The following IQGAP2 variants were observed in gnomAD, a reference collection of about 807,000 sequenced individuals.
The protein encoded by IQGAP2 is IQ motif containing GTPase activating protein 2, also known as ras GTPase-activating-like protein IQGAP2.
A neutral mutation model predicts 201.3 loss-of-function variants in IQGAP2; 173 were observed. The observed-to-expected ratio is 0.86, with a 90% CI of 0.76 to 0.98. The LOEUF is 0.98. Among genes scored for constraint, IQGAP2 ranks in the 50% least tolerant of loss-of-function variants. The pLI, the probability that IQGAP2 is intolerant of heterozygous loss-of-function variation, is 0.00. For missense variants in IQGAP2, 1,687 were observed against 1,864.8 expected (o/e 0.90, Z 1.76); for synonymous variants, 675 against 673.9 (o/e 1.00, Z -0.03).
At chr5:76,416,414 G>A (rs1235252840) in intron 1 of IQGAP2, among the ~76,000 whole-genome samples, 3 of 152,198 alleles carry the variant, frequency 2.0e-5, no homozygotes, top group Non-Finnish European at 2.9e-5. Flanking sequence ...TGGAAGTACC[G>A]TGACCTTAGA....
chr5:76,675,783 G>T (rs568858978), intron 27 of IQGAP2, among the ~76,000 whole-genome samples: 1 of 152,134 alleles, frequency 6.6e-6, no homozygotes, highest in African/African-American at 2.4e-5. Context: ...TAGAATTTGT[G>T]GTCTTTTGTG....
At chr5:76,500,934 C>CA (rs1757239098) in intron 2 of IQGAP2, among the ~76,000 whole-genome samples, 1 of 152,114 alleles carries the variant, frequency 6.6e-6, no homozygotes, top group African/African-American at 2.4e-5. Context: ...GCCTTGATGA[C>CA]AGAGTATGCC....
chr5:76,652,332 G>A (rs1026291296), intron 17 of IQGAP2, among the ~76,000 whole-genome samples: 20 of 152,192 alleles, frequency 1.3e-4, no homozygotes, highest in African/African-American at 4.8e-4. Flanking sequence ...AGTGGGCCAC[G>A]TGTTGTGGTA....
At chr5:76,640,439 G>T (rs462322) in intron 16 of IQGAP2, among the ~76,000 whole-genome samples, 94,414 of 151,912 alleles carry the variant, frequency 0.62, 29,459 homozygotes, top group South Asian at 0.78. Flanking sequence ...CCACCCCTTT[G>T]TCTTTTGCCC....
At chr5:76,630,532 C>T (rs3756523) in intron 14 of IQGAP2, among the ~76,000 whole-genome samples, 7,629 of 152,130 alleles carry the variant, frequency 0.05, 271 homozygotes, top group South Asian at 0.14. Flanking sequence ...GACCTGTGAA[C>T]CAGCTCATCG....
rs1345376614 is a variant in IQGAP2, at chr5:76,441,393, GA to G, written c.47-20175del. The G allele has an allele frequency of 2.9e-4, 134 of 465,036 alleles. 1 individual carries two copies. In the Middle Eastern group the frequency reaches 5.4e-3, roughly 19 times the overall value. The allele number at this position is 465,036 out of a possible 1,614,324, so 28.8% of individuals were successfully genotyped here. A position where few individuals can be genotyped will look rare whatever the true frequency, so the allele number is the denominator to read the frequency against. ...TAAACTCTTTTTTACTTCCCGGAAG[GA>G]ATCAGGAATTAACTACCTAAAGTAC... is the stretch of plus-strand genomic sequence containing the variant. On this transcript the variant is annotated intron_variant, in intron 1 of 35. Transcript: ENST00000274364.
chr5:76,652,639 C>T, intron 17 of IQGAP2, 111 bp from the exon 18 acceptor site: 1 of 786,482 alleles, frequency 1.3e-6, no homozygotes, highest in Admixed American at 1.8e-5. Context: ...AGGGAGGGTG[C>T]CTGACAGTGT....
At chr5:76,624,322 G>C (rs1750022405) in intron 13 of IQGAP2, 1 of 152,124 alleles carries the variant, frequency 6.6e-6, no homozygotes, top group Non-Finnish European at 1.5e-5. Context: ...ACTTAAACTT[G>C]AAGCCTGACC....
rs574987355 is a variant in IQGAP2 at position 76,666,717 on chromosome 5, C to T, written c.2679+1542C>T. Among the ~76,000 whole-genome samples, 3 of 152,164 alleles carry T rather than the reference C, an allele frequency of 2.0e-5. No homozygotes were observed. In the South Asian group the frequency reaches 6.2e-4, roughly 32 times the overall value. Reference sequence around the variant, plus strand: ...TATAGAAAAGCAAATGGCCTGGATTCCTTCGACCCGTTGGTTACACTTTAG... The same window carrying T: ...TATAGAAAAGCAAATGGCCTGGATTTCTTCGACCCGTTGGTTACACTTTAG... On this transcript the variant is annotated intron_variant, in intron 22 of 35. Coordinates refer to ENST00000274364, the MANE Select transcript of IQGAP2 (RefSeq NM_006633.5).
chr5:76,691,320 T>G (rs1746247453), intron 30 of IQGAP2: 1 of 152,252 alleles, frequency 6.6e-6, no homozygotes, highest in South Asian at 2.1e-4. Flanking sequence ...CACGTTTTAT[T>G]GACTCCAGTC....
At chr5:76,464,349 A>G (rs10035095) in intron 2 of IQGAP2, among the ~76,000 whole-genome samples, 23,495 of 152,238 alleles carry the variant, frequency 0.15, 2,172 homozygotes, top group Middle Eastern at 0.27. Flanking sequence ...TGATTCTTTT[A>G]AAGTATTAGT....
chr5:76,644,282 ATTTTTGTAAATCCTTTTTTTTT>A (rs1249290896), intron 17 of IQGAP2, among the ~76,000 whole-genome samples: 5 of 75,958 alleles, frequency 6.6e-5, no homozygotes, highest in Admixed American at 1.3e-4. Context: ...TGAGACTGCC[ATTTTTGTAAATCCTTTTTTTTT>A]TTTTTTTTTT....
At chr5:76,598,704 C>A (rs1323881517) in intron 10 of IQGAP2, among the ~76,000 whole-genome samples, 2 of 151,916 alleles carry the variant, frequency 1.3e-5, no homozygotes, top group African/African-American at 4.8e-5. Flanking sequence ...AGAAAATAAG[C>A]CTGAAGGATA....
chr5:76,494,055 T>C (rs73118006), intron 2 of IQGAP2, among the ~76,000 whole-genome samples: 1,528 of 152,360 alleles, frequency 0.01, 36 homozygotes, highest in African/African-American at 0.034. Flanking sequence ...GTAAATGTTA[T>C]GTAAATAGTT....
chr5:76,452,317 G>A (rs532113986), intron 1 of IQGAP2, among the ~76,000 whole-genome samples: 1 of 149,762 alleles, frequency 6.7e-6, no homozygotes, highest in Non-Finnish European at 1.5e-5. Flanking sequence ...ATGTATACAT[G>A]TGCCATGTTG....
At chr5:76,691,997 T>C (rs888272041) in intron 30 of IQGAP2, among the ~76,000 whole-genome samples, 3 of 152,234 alleles carry the variant, frequency 2.0e-5, no homozygotes, top group African/African-American at 7.2e-5. Context: ...TTCAGTGATA[T>C]CATGTAATGA....
chr5:76,484,053 C>G (rs949661228), intron 2 of IQGAP2, among the ~76,000 whole-genome samples: 5 of 145,636 alleles, frequency 3.4e-5, no homozygotes, highest in Non-Finnish European at 6.1e-5. Flanking sequence ...GGCGGAGACT[C>G]TCATTGTTCA....
intron 2 of IQGAP2, among the ~76,000 whole-genome samples, chr5:76,523,511 G>A (rs10474478): frequency 0.4 from 60,921 of 151,994 alleles, 13,107 homozygotes; most frequent in East Asian, 0.84. Context: ...AAATGCATGC[G>A]TTTTTGTCTG....
chr5:76,680,515 A>T (rs950630900), intron 28 of IQGAP2, among the ~76,000 whole-genome samples: 1 of 152,174 alleles, frequency 6.6e-6, no homozygotes, highest in African/African-American at 2.4e-5. Context: ...CTTTTGAGCT[A>T]TAAAGAGTAA....
Sources: gnomAD v4.1 joint callset for allele counts (sites outside exome capture counted in the v4.1 genomes callset) on GRCh38, gnomAD v4.1.1 for gene constraint, MANE v1.5 for transcripts, NCBI Gene and HGNC (gene_info 2026-07-23, HGNC 2026-07-21) for gene names.